Variants in DDR2 observed in about 807,000 individuals in gnomAD.
The protein encoded by DDR2 is discoidin domain-containing receptor 2.
Under a neutral mutation model 94.9 loss-of-function variants are expected in DDR2, and 27 were observed. That is an observed-to-expected ratio of 0.28 (90% CI 0.21 to 0.39). DDR2 has a LOEUF of 0.39. Ranked by LOEUF, DDR2 falls within the 10% of genes least tolerant of loss-of-function variation. The pLI is 1.00. For synonymous variants in DDR2, 382 were observed against 377.2 expected (o/e 1.01, Z -0.15); for missense variants, 783 against 1,076.0 (o/e 0.73, Z 3.81).
chr1:162,687,206 T>C (rs143072216), intron 2 of DDR2, among the ~76,000 whole-genome samples: 82 of 152,348 alleles, frequency 5.4e-4, no homozygotes, highest in African/African-American at 1.9e-3. Flanking sequence ...AAAGGTGGCC[T>C]GGATGTGGTA....
intron 3 of DDR2, among the ~76,000 whole-genome samples, chr1:162,751,797 C>A (rs546835396): frequency 2.0e-5 from 3 of 152,310 alleles, no homozygotes; most frequent in African/African-American, 7.2e-5. Context: ...CACATATACA[C>A]CATGGAATAC....
intron 2 of DDR2, among the ~76,000 whole-genome samples, chr1:162,693,282 A>T (rs1660039273): frequency 6.6e-6 from 1 of 152,168 alleles, no homozygotes; most frequent in Admixed American, 6.5e-5. Context: ...ATTGAGCTTT[A>T]CGTGTGCAAT....
intron 2 of DDR2, among the ~76,000 whole-genome samples, chr1:162,668,718 C>A (rs766539274): frequency 4.6e-5 from 7 of 152,172 alleles, no homozygotes; most frequent in Non-Finnish European, 7.3e-5. Context: ...CAGATAACCT[C>A]ATTTTAACTT....
chr1:162,679,313 T>TGTG (rs1659284815), intron 2 of DDR2, among the ~76,000 whole-genome samples: 1 of 152,132 alleles, frequency 6.6e-6, no homozygotes. Flanking sequence ...TTTCTGTTCC[T>TGTG]GTGTTAATTT....
chr1:162,748,894 C>G (rs1257520665), intron 3 of DDR2, among the ~76,000 whole-genome samples: 1 of 152,144 alleles, frequency 6.6e-6, no homozygotes, highest in Non-Finnish European at 1.5e-5. Flanking sequence ...ACAACCTGCT[C>G]CTGAATGACT....
At chr1:162,754,214 A>G (rs1424220897) in intron 4 of DDR2, among the ~76,000 whole-genome samples, 1 of 152,130 alleles carries the variant, frequency 6.6e-6, no homozygotes, top group African/African-American at 2.4e-5. Context: ...TGGAGACCCT[A>G]CTATCCCTCC....
chr1:162,649,484 T>G (rs768829288), intron 1 of DDR2, among the ~76,000 whole-genome samples: 4 of 152,242 alleles, frequency 2.6e-5, no homozygotes, highest in Non-Finnish European at 4.4e-5. Flanking sequence ...TGAATGTCTC[T>G]GAGCCTCAGT....
At chr1:162,733,296 G>T (rs566335106) in intron 3 of DDR2, among the ~76,000 whole-genome samples, 2 of 152,280 alleles carry the variant, frequency 1.3e-5, no homozygotes, top group Non-Finnish European at 2.9e-5. Context: ...CTTGACTATT[G>T]GCTGAGATCC....
chr1:162,741,597 G>A, intron 3 of DDR2: 1 of 985,252 alleles, frequency 1.0e-6, no homozygotes, highest in Non-Finnish European at 1.2e-6. Context: ...TGGCAATCAG[G>A]GACACTATGA....
chr1:162,645,793 T>A (rs544694147), intron 1 of DDR2, among the ~76,000 whole-genome samples: 1 of 152,328 alleles, frequency 6.6e-6, no homozygotes, highest in African/African-American at 2.4e-5. Flanking sequence ...GATAATTTTT[T>A]AAATTGTTTA....
At chr1:162,775,269 G>A (rs1054755192) in intron 14 of DDR2, among the ~76,000 whole-genome samples, 1 of 121,470 alleles carries the variant, frequency 8.2e-6, no homozygotes, top group African/African-American at 3.0e-5. Context: ...AAAAAAAAAA[G>A]GTAAATATCC....
intron 2 of DDR2, among the ~76,000 whole-genome samples, chr1:162,716,419 C>T (rs549108690): frequency 6.6e-6 from 1 of 152,338 alleles, no homozygotes; most frequent in Non-Finnish European, 1.5e-5. Context: ...TAGTGCTCAA[C>T]TATAGCCAAG....
rs560136833 is a variant in DDR2 at position 162,759,574 on chromosome 1, TA to T, written c.672-221del. 3.4e-3 allele frequency among the ~76,000 whole-genome samples: 521 copies of T among 152,320 alleles called. 2 individuals carry two copies. The highest frequency in any genetic ancestry group is 0.012 in the African/African-American group (500 of 41,568). ...TACTACTAAAGGAGTAAGCATCAAA[TA>T]TTTTATAAAAATTACTAATATGAAA... On this transcript the variant is annotated intron_variant, in intron 7 of 17. Coordinates refer to ENST00000367921, the MANE Select transcript of DDR2 (RefSeq NM_006182.4).
chr1:162,720,153 T>A (rs2102032942), intron 3 of DDR2, among the ~76,000 whole-genome samples: 1 of 151,848 alleles, frequency 6.6e-6, no homozygotes, highest in African/African-American at 2.4e-5. Flanking sequence ...TGGAGTCATT[T>A]TTTTTTTCAT....
At chr1:162,692,427 G>A (rs917841838) in intron 2 of DDR2, among the ~76,000 whole-genome samples, 5 of 152,006 alleles carry the variant, frequency 3.3e-5, no homozygotes, top group African/African-American at 1.2e-4. Context: ...GACCAATCGA[G>A]GATTTGTATT....
chr1:162,682,083 A>G (rs1659436781), intron 2 of DDR2, among the ~76,000 whole-genome samples: 3 of 152,040 alleles, frequency 2.0e-5, no homozygotes, highest in African/African-American at 4.8e-5. Context: ...ACCAGACCCA[A>G]GGGCCTGTCC....
Position 162,778,685 on chromosome 1 carries a change from G to A in DDR2, c.2389G>A (p.Val797Ile). ...CTATTCCCAGCTGTCAGATGAACAG[G>A]TTATTGAGAATACTGGAGAGTTCTT... Reference protein sequence around the residue: ...QPYSQLSDEQVIENTGEFFRD... With the variant: ...QPYSQLSDEQIIENTGEFFRD... The change falls in exon 17 of 18, where the codon GTT (valine) becomes ATT (isoleucine). Residue 797 changes from valine to isoleucine, a missense_variant. Val to Ile is a conservative substitution (Grantham distance 29). Around this residue, in one of 2 missense-constraint regions of DDR2, gnomAD observed 264 missense variants for 428.2 expected, o/e 0.62. Coordinates refer to ENST00000367921, the MANE Select transcript of DDR2 (RefSeq NM_006182.4). 1.2e-6 allele frequency: 2 copies of A among 1,613,984 alleles called. No homozygotes were observed. Among genetic ancestry groups the A allele is most frequent in the Non-Finnish European group, 1.7e-6 (2 of 1,179,908 alleles).
At position 162,777,425 on chromosome 1, in the gene DDR2, A is replaced by C. The variant is rs541274110; in HGVS notation, c.2283+1055A>C. On this transcript the variant is annotated intron_variant, in intron 16 of 17. Transcript: ENST00000367921. Reference sequence around the variant, plus strand: ...AACTTAATAATGCCTCTATAATTTGATATTTAAGTACTTTCCAATTTCCTG... The same window carrying C: ...AACTTAATAATGCCTCTATAATTTGCTATTTAAGTACTTTCCAATTTCCTG... Among the ~76,000 whole-genome samples, 87 of 152,170 alleles carry C rather than the reference A, an allele frequency of 5.7e-4. 1 individual carries two copies. Among genetic ancestry groups the C allele is most frequent in the African/African-American group, 1.9e-3 (80 of 41,502 alleles).
chr1:162,767,974 T>G (rs1664085219), intron 11 of DDR2, among the ~76,000 whole-genome samples: 1 of 152,200 alleles, frequency 6.6e-6, no homozygotes, highest in African/African-American at 2.4e-5. Context: ...CTGAATAACT[T>G]TTTACATTGT....
Sources: allele counts gnomAD v4.1 joint callset (sites outside exome capture counted in the v4.1 genomes callset), GRCh38; gene constraint gnomAD v4.1.1; regional missense constraint gnomAD v4.1.1; transcripts MANE v1.5; gene names NCBI Gene and HGNC (gene_info 2026-07-23, HGNC 2026-07-21).